The following WNK2 variants were observed in gnomAD, a reference collection of about 807,000 sequenced individuals.
WNK2 encodes WNK lysine deficient protein kinase 2.
WNK2 carries 67 observed loss-of-function variants against 192.1 expected under a neutral mutation model. The observed-to-expected ratio is 0.35, with a 90% confidence interval of 0.29 to 0.43. The LOEUF (loss-of-function observed/expected upper bound fraction) is 0.43. WNK2 is among the 20% of genes least tolerant of loss of function. The pLI, the probability that WNK2 is intolerant of heterozygous loss-of-function variation, is 1.00. For missense variants in WNK2, 2,698 were observed against 3,089.7 expected, an observed-to-expected ratio of 0.87 and a Z score of 3.01; for synonymous variants, 1,439 against 1,393.9, an observed-to-expected ratio of 1.03 and a Z score of -0.72.
Position 93,263,745 on chromosome 9 carries a change from G to C in WNK2, c.3579+11G>C, listed in dbSNP as rs752044446. The C allele has an allele frequency of 6.9e-7, 1 of 1,452,584 alleles. No homozygotes were observed. The highest frequency in any genetic ancestry group is 9.1e-7 in the Non-Finnish European group (1 of 1,103,058). The allele number at this position is 1,452,584 out of a possible 1,614,324, so 90.0% of individuals were successfully genotyped here. On this transcript the variant is annotated intron_variant, in intron 15 of 29. Transcript: ENST00000427277. The stretch of plus-strand genomic sequence containing the variant: ...CTTACCATCTTGAACGTGAGTGGGC[G>C]GGGCGTGGCGGGGGTGTGGTGGGGG...
At chr9:93,310,584 G>T (rs1588629710) in intron 28 of WNK2, among the ~76,000 whole-genome samples, 1 of 152,046 alleles carries the variant, frequency 6.6e-6, no homozygotes, top group Non-Finnish European at 1.5e-5. Flanking sequence ...CTTCCCCAGG[G>T]AAACTCTATC....
intron 2 of WNK2, among the ~76,000 whole-genome samples, chr9:93,187,856 G>T (rs2130895641): frequency 6.6e-6 from 1 of 152,228 alleles, no homozygotes; most frequent in East Asian, 1.9e-4. Context: ...GCTGCAGGGA[G>T]ATCAGGGGCT....
At chr9:93,268,885 C>G (rs1360992834) in intron 19 of WNK2, 139 bp downstream of exon 19, 1 of 1,570,586 alleles carries the variant, frequency 6.4e-7, no homozygotes, top group Admixed American at 1.8e-5. Flanking sequence ...TGGCGCAGAG[C>G]AGCCTGTGGG....
At chr9:93,268,987 C>A (rs936632276) in intron 19 of WNK2, 19 of 1,522,330 alleles carry the variant, frequency 1.2e-5, no homozygotes, top group Non-Finnish European at 1.7e-5. Context: ...AAGTAGGTGG[C>A]TCGCATGGCC....
intron 16 of WNK2, 30 bp downstream of exon 16, chr9:93,264,063 C>A: frequency 6.4e-7 from 1 of 1,558,058 alleles, no homozygotes; most frequent in Non-Finnish European, 8.8e-7. Flanking sequence ...GCTTGGCTCC[C>A]GGTGTTTCTT....
At chr9:93,197,806 A>C (rs1014898960) in intron 2 of WNK2, among the ~76,000 whole-genome samples, 2 of 152,152 alleles carry the variant, frequency 1.3e-5, no homozygotes, top group African/African-American at 4.8e-5. Context: ...TATAGGCATG[A>C]GCCACTGCCC....
In WNK2 at chr9:93,231,044, T is replaced by C. The variant is rs11787888; in HGVS notation, c.1011T>C (p.Ser337=). The C allele has an allele frequency of 0.14, 229,243 of 1,613,588 alleles. 17,731 individuals are homozygous for C. The highest frequency in any genetic ancestry group is 0.28 in the South Asian group (25,191 of 91,066). ...DNIFITGPTG[S]VKIGDLGLAT... ...TTTTCATCACCGGACCAACTGGGTC[T>C]GTGAAGATTGGCGACTTGGGCCTGG... is the stretch of plus-strand genomic sequence containing the variant. Residue 337 remains serine (S), a synonymous_variant, in exon 4 of 30, where the codon TCT becomes TCC. Transcript: ENST00000427277.
intron 2 of WNK2, among the ~76,000 whole-genome samples, chr9:93,220,128 G>T (rs1252347495): frequency 6.6e-6 from 1 of 152,196 alleles, no homozygotes; most frequent in Non-Finnish European, 1.5e-5. Flanking sequence ...AGTGGGCCAG[G>T]CCTCCTCTGG....
In WNK2 at chr9:93,239,858, C is replaced by T; in HGVS notation, c.1424C>T (p.Ala475Val). The T allele has an allele frequency of 6.2e-7, 1 of 1,602,704 alleles. No individual in the cohort carries two copies. Among genetic ancestry groups the T allele is most frequent in the Non-Finnish European group, 8.5e-7 (1 of 1,175,066 alleles). ...EEDHGRKSTI[A>V]LRLWVEDPKK... ...GACCACGGCAGGAAGTCCACCATCGCCCTGAGGCTCTGGGTGGAAGACCCC... is the reference window on the plus strand; with the variant it reads ...GACCACGGCAGGAAGTCCACCATCGTCCTGAGGCTCTGGGTGGAAGACCCC... The change falls in exon 7 of 30, where the codon GCC becomes GTC. Residue 475 changes from alanine to valine, a missense_variant. Coordinates refer to ENST00000427277, the MANE Select transcript of WNK2 (RefSeq NM_006648.4). The surrounding 1 kb of genome is among the most constrained non-coding windows in gnomAD (Gnocchi z 4.2).
At chr9:93,302,207 GTGGGCGC>G (rs1423930127) in intron 26 of WNK2, among the ~76,000 whole-genome samples, 1 of 152,240 alleles carries the variant, frequency 6.6e-6, no homozygotes, top group Non-Finnish European at 1.5e-5. Context: ...GACTGCAGGG[GTGGGCGC>G]AGCCCTGTGA....
At chr9:93,221,124 C>T (rs911439689) in intron 2 of WNK2, among the ~76,000 whole-genome samples, 2 of 152,236 alleles carry the variant, frequency 1.3e-5, no homozygotes, top group African/African-American at 4.8e-5. Flanking sequence ...GGGCCCAGCA[C>T]AGAGGGCCAG....
intron 8 of WNK2, among the ~76,000 whole-genome samples, chr9:93,251,659 G>A (rs1842625082): frequency 6.6e-6 from 1 of 152,158 alleles, no homozygotes; most frequent in Admixed American, 6.5e-5. Flanking sequence ...GTAGTGAGCC[G>A]TGATCACACC....
At chr9:93,212,946 T>G (rs2131591243) in intron 2 of WNK2, among the ~76,000 whole-genome samples, 1 of 152,322 alleles carries the variant, frequency 6.6e-6, no homozygotes, top group African/African-American at 2.4e-5. Flanking sequence ...CTTTTGAATG[T>G]GAAACGTCAT....
In WNK2 at chr9:93,292,405, G is replaced by T. The variant is rs755459048; in HGVS notation, c.5025+9G>T. On this transcript the variant is annotated intron_variant, in intron 22 of 29. Coordinates refer to ENST00000427277, the MANE Select transcript of WNK2 (RefSeq NM_006648.4). ...TCCCCAGCGTCCCCCAGGTAAGGGC[G>T]ACTTGACGACCCCCTGGCTGGTTGG... is the stretch of plus-strand genomic sequence containing the variant. The T allele has an allele frequency of 1.2e-6, 2 of 1,613,794 alleles. No homozygotes were observed. Among genetic ancestry groups the T allele is most frequent in the East Asian group, 2.2e-5 (1 of 44,886 alleles).
chr9:93,185,693 T>G, intron 2 of WNK2, 83 bp downstream of exon 2: 3 of 1,497,062 alleles, frequency 2.0e-6, no homozygotes, highest in Non-Finnish European at 2.7e-6. Context: ...CTCCTGCGCC[T>G]GGCCTTAAGA....
intron 2 of WNK2, 45 bp downstream of exon 2, chr9:93,185,655 C>T (rs1174709748): frequency 3.2e-6 from 5 of 1,572,290 alleles, no homozygotes; most frequent in Non-Finnish European, 4.3e-6. Flanking sequence ...AGGGTCTGTC[C>T]GCGAGTGCGT....
At chr9:93,301,815 CTG>C (rs1193715089) in intron 26 of WNK2, among the ~76,000 whole-genome samples, 1 of 152,216 alleles carries the variant, frequency 6.6e-6, no homozygotes, top group African/African-American at 2.4e-5. Flanking sequence ...CACCCCCATG[CTG>C]TGTTTTGTGG....
chr9:93,295,304 C>T (rs543402887), intron 23 of WNK2, among the ~76,000 whole-genome samples: 107 of 152,286 alleles, frequency 7.0e-4, no homozygotes, highest in African/African-American at 2.3e-3. Context: ...CGCTCCCCAA[C>T]GCTGGGGCAG....
chr9:93,245,689 T>C (rs1036276917), intron 7 of WNK2, among the ~76,000 whole-genome samples: 2 of 152,244 alleles, frequency 1.3e-5, no homozygotes, highest in African/African-American at 4.8e-5. Context: ...TATTTCTTTA[T>C]CTCTCTGTGG....
Sources: allele counts gnomAD v4.1 joint callset (sites outside exome capture counted in the v4.1 genomes callset), GRCh38; gene constraint gnomAD v4.1.1; non-coding constraint Gnocchi (gnomAD v3.1); transcripts MANE v1.5; gene names NCBI Gene and HGNC (gene_info 2026-07-23, HGNC 2026-07-21).